The following KIAA1671 variants were observed in gnomAD, a reference collection of about 807,000 sequenced individuals.
KIAA1671 encodes the protein uncharacterized protein KIAA1671.
In KIAA1671, 52 loss-of-function variants were observed where a neutral mutation model predicts 131.2. The ratio of observed to expected loss-of-function variants is 0.40; its 90% CI spans 0.32 to 0.50. The LOEUF (loss-of-function observed/expected upper bound fraction) is 0.50, where lower values mean the gene tolerates loss of function less well. KIAA1671 is among the 20% of genes least tolerant of loss of function. KIAA1671 has a pLI of 0.73. For missense variants in KIAA1671, 2,360 were observed against 2,364.2 expected, an observed-to-expected ratio of 1.00 and a Z score of 0.04; for synonymous variants, 1,003 against 961.6, an observed-to-expected ratio of 1.04 and a Z score of -0.80.
intron 1 of KIAA1671, among the ~76,000 whole-genome samples, chr22:24,992,814 CAAAAAAAAAA>C (rs761181079): frequency 7.5e-4 from 43 of 57,388 alleles, no homozygotes; most frequent in Middle Eastern, 0.018. Context: ...GACTCCGTCT[CAAAAAAAAAA>C]AAAAAAAAAA....
At chr22:25,071,817 T>C (rs907946597) in intron 6 of KIAA1671, among the ~76,000 whole-genome samples, 2 of 152,188 alleles carry the variant, frequency 1.3e-5, no homozygotes, top group Middle Eastern at 3.2e-3. Context: ...AGCAGTAGTT[T>C]GGAGCTAGCG....
intron 1 of KIAA1671, among the ~76,000 whole-genome samples, chr22:24,989,810 G>A (rs1176060968): frequency 6.6e-6 from 1 of 152,128 alleles, no homozygotes; most frequent in African/African-American, 2.4e-5. Flanking sequence ...TGTGCGGGGT[G>A]AATGTCCGCC....
At position 25,196,508 on chromosome 22, in the gene KIAA1671, C is replaced by G. The variant is rs1934833446; in HGVS notation, c.*4107C>G. 1 of 151,972 alleles carries G rather than the reference C, an allele frequency of 6.6e-6. No individual in the cohort carries two copies. The highest frequency in any genetic ancestry group is 1.5e-5 in the Non-Finnish European group (1 of 68,050). 9.4% of individuals were successfully genotyped at this position (151,972 alleles called of 1,614,324 possible). A position where few individuals can be genotyped will look rare whatever the true frequency, so the allele number is the denominator to read the frequency against. On this transcript the variant is annotated 3_prime_UTR_variant, in exon 13 of 13. Coordinates refer to ENST00000358431, the MANE Select transcript of KIAA1671 (RefSeq NM_001145206.2). ...GGAATGCAGTGGCACAATCATAGCT[C>G]ACTCCAGCCTCCAACTCCTGGGCTC...
At chr22:25,136,270 A>T (rs5760872) in intron 6 of KIAA1671, among the ~76,000 whole-genome samples, 2 of 152,046 alleles carry the variant, frequency 1.3e-5, no homozygotes, top group Non-Finnish European at 2.9e-5. Context: ...TACAGACACA[A>T]ACACAATCAG....
Position 25,040,892 on chromosome 22 carries a change from CG to C in KIAA1671, c.3763del (p.Asp1255IlefsTer14). On this transcript the variant is annotated frameshift_variant, in exon 5 of 13. Transcript: ENST00000358431. LOFTEE classifies it high-confidence loss of function. The stretch of plus-strand genomic sequence containing the variant: ...GAAGGAGGAGCCTGAAGGAGATGCC[CG>C]ATACCGGGGGTCTCTGGAAACCGGC... ...QRRRSLKEMP[D>X]TGGLWKPASS... is the part of the protein sequence containing the mutation. 6.6e-7 allele frequency: 1 copy of C among 1,524,074 alleles called. No individual in the cohort carries two copies. The highest frequency in any genetic ancestry group is 8.8e-7 in the Non-Finnish European group (1 of 1,133,662). The allele number at this position is 1,524,074 out of a possible 1,614,324, so 94.4% of individuals were successfully genotyped here. A position where few individuals can be genotyped will look rare whatever the true frequency, so the allele number is the denominator to read the frequency against.
In KIAA1671 at chr22:25,063,794, T is replaced by C. The variant is rs371220318; in HGVS notation, c.4530+14430T>C. The C allele has an allele frequency of 3.3e-5, 5 of 152,190 alleles. No individual in the cohort carries two copies. The East Asian group carries it at 7.7e-4, about 23-fold the overall frequency. 9.4% of individuals were successfully genotyped at this position (152,190 alleles called of 1,614,324 possible). A position where few individuals can be genotyped will look rare whatever the true frequency, so the allele number is the denominator to read the frequency against. On this transcript the variant is annotated intron_variant, in intron 6 of 12. Coordinates refer to ENST00000358431, the MANE Select transcript of KIAA1671 (RefSeq NM_001145206.2). ...ATACCGAAGCGTAACTATAATTATC[T>C]TGCAAGCACATACTGTTATGGGTAT... is the stretch of plus-strand genomic sequence containing the variant.
intron 6 of KIAA1671, among the ~76,000 whole-genome samples, chr22:25,087,873 A>T (rs988278358): frequency 6.6e-6 from 1 of 152,194 alleles, no homozygotes; most frequent in Admixed American, 6.5e-5. Context: ...CAGAGCCCCC[A>T]GCACCTGGGG....
At chr22:25,146,754 A>T (rs1932886344) in intron 6 of KIAA1671, among the ~76,000 whole-genome samples, 1 of 152,180 alleles carries the variant, frequency 6.6e-6, no homozygotes, top group South Asian at 2.1e-4. Context: ...TGGAGATCAT[A>T]TTTATTAATG....
chr22:24,958,930 G>A (rs887170053), intron 1 of KIAA1671, among the ~76,000 whole-genome samples: 2 of 147,654 alleles, frequency 1.4e-5, no homozygotes, highest in Non-Finnish European at 3.0e-5. Context: ...GCCCTGAGCC[G>A]AGATTGTGCC....
intron 1 of KIAA1671, among the ~76,000 whole-genome samples, chr22:24,991,617 C>A (rs555785682): frequency 8.2e-5 from 11 of 134,054 alleles, no homozygotes; most frequent in Middle Eastern, 3.5e-3. Flanking sequence ...CCACCACGCC[C>A]GGCTAATTTT....
At chr22:25,097,752 G>A (rs549568217) in intron 6 of KIAA1671, among the ~76,000 whole-genome samples, 56 of 149,516 alleles carry the variant, frequency 3.7e-4, no homozygotes, top group African/African-American at 1.3e-3. Flanking sequence ...AAAAAAAATC[G>A]TAAAATAAAC....
intron 1 of KIAA1671, among the ~76,000 whole-genome samples, chr22:25,009,076 T>C (rs1924891928): frequency 6.6e-6 from 1 of 152,080 alleles, no homozygotes; most frequent in Admixed American, 6.5e-5. Flanking sequence ...ATAGATGGCA[T>C]GGAAACGGGA....
chr22:25,023,773 C>A (rs1250958236), intron 1 of KIAA1671: 1 of 152,026 alleles, frequency 6.6e-6, no homozygotes, highest in Non-Finnish European at 1.5e-5. Flanking sequence ...AGTGAAACCC[C>A]GTCTCTACCA....
At chr22:25,130,791 C>G (rs1932410507) in intron 6 of KIAA1671, among the ~76,000 whole-genome samples, 1 of 152,162 alleles carries the variant, frequency 6.6e-6, no homozygotes, top group Admixed American at 6.5e-5. Context: ...AAGCCTGTCC[C>G]TCCTGGGGAA....
At chr22:25,025,414 G>C (rs1200642469) in intron 1 of KIAA1671, among the ~76,000 whole-genome samples, 4 of 152,198 alleles carry the variant, frequency 2.6e-5, no homozygotes, top group African/African-American at 9.6e-5. Flanking sequence ...AAATGTATCA[G>C]AGAACAGGGA....
chr22:25,131,312 T>G (rs1046682458), intron 6 of KIAA1671, among the ~76,000 whole-genome samples: 1 of 152,194 alleles, frequency 6.6e-6, no homozygotes, highest in African/African-American at 2.4e-5. Context: ...AACTGGAGTT[T>G]TGCACAGGTT....
intron 3 of KIAA1671, among the ~76,000 whole-genome samples, chr22:25,030,307 C>A (rs964836647): frequency 6.6e-6 from 1 of 152,054 alleles, no homozygotes; most frequent in African/African-American, 2.4e-5. Context: ...GAGGCCGAGG[C>A]GGGTGGATCA....
chr22:25,037,394 ATATATG>A (rs1926671899), intron 4 of KIAA1671, among the ~76,000 whole-genome samples: 1 of 151,396 alleles, frequency 6.6e-6, no homozygotes, highest in African/African-American at 2.4e-5. Flanking sequence ...GTATATATGT[ATATATG>A]TATATATGTG....
chr22:25,175,403 A>G (rs1933987142), intron 8 of KIAA1671: 1 of 152,208 alleles, frequency 6.6e-6, no homozygotes, highest in African/African-American at 2.4e-5. Context: ...GGCTTCCTTT[A>G]GGGCTTCAAA....
Sources: allele counts gnomAD v4.1 joint callset (sites outside exome capture counted in the v4.1 genomes callset), GRCh38; gene constraint gnomAD v4.1.1; transcripts MANE v1.5; gene names NCBI Gene and HGNC (gene_info 2026-07-23, HGNC 2026-07-21).